The following RBM23 variants were observed in gnomAD, a reference collection of about 807,000 sequenced individuals.
RBM23 encodes RNA binding motif protein 23.
RBM23 carries 53 observed loss-of-function variants against 56.2 expected under a neutral mutation model. The ratio of observed to expected loss-of-function variants is 0.94; its 90% CI spans 0.76 to 1.19. The LOEUF (loss-of-function observed/expected upper bound fraction) is 1.19, where lower values mean the gene tolerates loss of function less well. Among genes scored for constraint, RBM23 ranks in the 50% most tolerant of loss-of-function variants. RBM23 has a pLI of 0.00. For missense variants in RBM23, 642 were observed against 590.3 expected, an observed-to-expected ratio of 1.09 and a Z score of -0.91; for synonymous variants, 197 against 198.5, an observed-to-expected ratio of 0.99 and a Z score of 0.06.
In RBM23 at chr14:22,902,286, G is replaced by C. The variant is rs754602355; in HGVS notation, c.1027C>G (p.Leu343Val). The change falls in exon 11 of 14, where the codon CTG becomes GTG. Residue 343 changes from leucine to valine, a missense_variant. Leu to Val is a conservative substitution (Grantham distance 32). Coordinates refer to ENST00000359890, the MANE Select transcript of RBM23 (RefSeq NM_001077351.2). ...PMRVGHVTER[L>V]DGGTDITFPD... ...AAAGTGATGTCTGTGCCACCATCCA[G>C]TCGCTCAGTCACATGGCCAACCCTC... The C allele has an allele frequency of 2.5e-6, 4 of 1,614,064 alleles. No homozygotes were observed. Among genetic ancestry groups the C allele is most frequent in the Middle Eastern group, 1.6e-4 (1 of 6,084 alleles).
chr14:22,909,941 C>A (rs1048397737), intron 2 of RBM23, among the ~76,000 whole-genome samples: 3 of 150,206 alleles, frequency 2.0e-5, no homozygotes, highest in African/African-American at 4.9e-5. Context: ...TCAATTGAGG[C>A]CAGGAGTTTG....
chr14:22,910,472 A>G (rs112873458), intron 2 of RBM23, among the ~76,000 whole-genome samples: 2,162 of 132,916 alleles, frequency 0.016, 32 homozygotes, highest in African/African-American at 0.054. Flanking sequence ...AAAAAAAAAA[A>G]AAAGAAAGGA....
In RBM23 at chr14:22,901,559, A is replaced by C; in HGVS notation, c.*171T>G. 1 of 951,574 alleles carries C rather than the reference A, an allele frequency of 1.1e-6. No homozygotes were observed. The highest frequency in any genetic ancestry group is 1.6e-6 in the Non-Finnish European group (1 of 629,138). The allele number at this position is 951,574 out of a possible 1,614,324, so 58.9% of individuals were successfully genotyped here. ...AGCAGAGTCCATTTCCAGTGGGACCATGGGCAGGAGCTTTTCTTGGTATCT... is the reference window on the plus strand; with the variant it reads ...AGCAGAGTCCATTTCCAGTGGGACCCTGGGCAGGAGCTTTTCTTGGTATCT... On this transcript the variant is annotated 3_prime_UTR_variant, in exon 14 of 14. Coordinates refer to ENST00000359890, the MANE Select transcript of RBM23 (RefSeq NM_001077351.2).
intron 11 of RBM23, 35 bp downstream of exon 11, chr14:22,902,152 A>T (rs1219028399): frequency 6.2e-7 from 1 of 1,606,702 alleles, no homozygotes; most frequent in Non-Finnish European, 8.5e-7. Flanking sequence ...TCTAAAATTC[A>T]ACCCCATAAT....
chr14:22,904,904 G>A lies in RBM23; in HGVS notation c.835C>T (p.Leu279Phe), dbSNP rs1344322456. The change falls in exon 9 of 14, where the codon CTC becomes TTC. Residue 279 changes from leucine (L) to phenylalanine (F), a missense_variant. By Grantham distance (22) the Leu-to-Phe change is conservative. Transcript: ENST00000359890. ...SLHFNITEDM[L>F]RGIFEPFGKI... ...CCAAAGGGCTCAAAGATGCCCCGGA[G>A]CATGTCTTCAGTGATATTGAAGTGC... The A allele has an allele frequency of 2.5e-6, 4 of 1,614,078 alleles. No individual in the cohort carries two copies. In the African/African-American group the frequency reaches 4.0e-5, roughly 16 times the overall value.
At chr14:22,913,693 C>G (rs1486508450) in intron 1 of RBM23, 2 of 151,808 alleles carry the variant, frequency 1.3e-5, no homozygotes, top group Non-Finnish European at 2.9e-5. Flanking sequence ...ACTAAAAATA[C>G]AAAACATTAG....
At chr14:22,903,666 T>C (rs2041011555) in intron 10 of RBM23, 6 of 1,001,130 alleles carry the variant, frequency 6.0e-6, no homozygotes, top group Non-Finnish European at 6.0e-6. Flanking sequence ...TATCAGACTT[T>C]GTGGCTGGCA....
intron 1 of RBM23, 181 bp from the exon 2 acceptor site, chr14:22,911,584 A>G: frequency 2.0e-6 from 1 of 493,644 alleles, no homozygotes; most frequent in Non-Finnish European, 3.7e-6. Flanking sequence ...TTTACACCCT[A>G]TAGATCTGAA....
At chr14:22,917,013 C>G (rs2043640075) in intron 1 of RBM23, 3 of 152,076 alleles carry the variant, frequency 2.0e-5, no homozygotes, top group Admixed American at 1.3e-4. Flanking sequence ...GGATTACAGG[C>G]AGGCACCACC....
In RBM23 at chr14:22,904,942, T is replaced by C. The variant is rs776613721; in HGVS notation, c.797A>G (p.Tyr266Cys). The C allele has an allele frequency of 5.0e-6, 8 of 1,614,206 alleles. No homozygotes were observed. Among genetic ancestry groups the C allele is most frequent in the Non-Finnish European group, 5.9e-6 (7 of 1,180,032 alleles). Reference sequence around the variant, plus strand: ...GATATTGAAGTGCAGGGAACCCACATAGAGGCGCATTGGTCCACCATTGCC... The same window carrying C: ...GATATTGAAGTGCAGGGAACCCACACAGAGGCGCATTGGTCCACCATTGCC... Reference protein sequence around the residue: ...QKGNGGPMRLYVGSLHFNITE... With the variant: ...QKGNGGPMRLCVGSLHFNITE... Residue 266 changes from tyrosine to cysteine, a missense_variant, in exon 9 of 14, where the codon TAT becomes TGT. By Grantham distance (194) the Tyr-to-Cys change is radical. Transcript: ENST00000359890.
intron 4 of RBM23, among the ~76,000 whole-genome samples, chr14:22,907,215 G>A (rs1427695691): frequency 6.6e-6 from 1 of 151,048 alleles, no homozygotes; most frequent in African/African-American, 2.4e-5. Flanking sequence ...GGTGGCACAC[G>A]CCTGTAATCC....
At chr14:22,916,381 C>T (rs571325061) in intron 1 of RBM23, among the ~76,000 whole-genome samples, 2 of 151,950 alleles carry the variant, frequency 1.3e-5, no homozygotes, top group African/African-American at 4.8e-5. Flanking sequence ...CTCAGCTTCC[C>T]CAGTAGCTGG....
intron 1 of RBM23, among the ~76,000 whole-genome samples, chr14:22,915,764 G>A (rs761574654): frequency 2.4e-4 from 37 of 152,234 alleles, no homozygotes; most frequent in Admixed American, 5.2e-4. Context: ...CCAGTGCTGG[G>A]ATTACAGGCA....
chr14:22,903,583 C>T, intron 10 of RBM23: 1 of 989,130 alleles, frequency 1.0e-6, no homozygotes, highest in African/African-American at 1.7e-5. Flanking sequence ...AGAATACAAC[C>T]TACTGCCCTC....
At chr14:22,911,521 G>T (rs2139060963) in intron 1 of RBM23, 118 bp from the exon 2 acceptor site, 2 of 802,960 alleles carry the variant, frequency 2.5e-6, no homozygotes, top group Non-Finnish European at 3.9e-6. Context: ...TTTCAGTTCT[G>T]TTTCTTGAAC....
chr14:22,893,335 A>T lies in RBM23; in HGVS notation c.*8395T>A, dbSNP rs1008997353. 3 of 152,260 alleles carry T rather than the reference A, an allele frequency of 2.0e-5. No individual in the cohort carries two copies. The highest frequency in any genetic ancestry group is 7.2e-5 in the African/African-American group (3 of 41,472). 9.4% of individuals were successfully genotyped at this position (152,260 alleles called of 1,614,324 possible). A position where few individuals can be genotyped will look rare whatever the true frequency, so the allele number is the denominator to read the frequency against. On this transcript the variant is annotated 3_prime_UTR_variant, in exon 14 of 14. Coordinates refer to ENST00000359890, the MANE Select transcript of RBM23 (RefSeq NM_001077351.2). ...ATTTTGTTTCTCTCAAGTACTAAAC[A>T]TCTGCAATATGCCAATCAGTGTGCC... is the stretch of plus-strand genomic sequence containing the variant.
chr14:22,905,540 A>G, intron 6 of RBM23, 66 bp downstream of exon 6: 1 of 1,598,736 alleles, frequency 6.3e-7, no homozygotes, highest in Non-Finnish European at 8.6e-7. Context: ...CATTCCTGTA[A>G]TTTGGCTCAA....
intron 1 of RBM23, 70 bp downstream of exon 1, chr14:22,918,929 G>A (rs74873084): frequency 6.6e-6 from 1 of 152,132 alleles, no homozygotes; most frequent in African/African-American, 2.4e-5. Context: ...TGACGTCAGG[G>A]GGGAGGCGCC....
chr14:22,908,259 G>A (rs1003672869), intron 4 of RBM23, 74 bp downstream of exon 4: 2 of 1,498,446 alleles, frequency 1.3e-6, no homozygotes, highest in Admixed American at 2.0e-5. Flanking sequence ...GGCCTGAAGT[G>A]ATCCTCCCGC....
Sources: gnomAD v4.1 joint callset for allele counts (sites outside exome capture counted in the v4.1 genomes callset) on GRCh38, gnomAD v4.1.1 for gene constraint, MANE v1.5 for transcripts, NCBI Gene and HGNC (gene_info 2026-07-23, HGNC 2026-07-21) for gene names.